Variants in DENND4C observed in about 807,000 individuals in gnomAD.
The protein encoded by DENND4C is DENN domain-containing protein 4C.
A neutral mutation model predicts 203.0 loss-of-function variants in DENND4C; 108 were observed. The ratio of observed to expected loss-of-function variants is 0.53; its 90% CI spans 0.46 to 0.62. The LOEUF is 0.62. DENND4C is among the 20% of genes least tolerant of loss of function. The probability of loss-of-function intolerance (pLI) is 0.00; values close to 1 mark genes in which losing one functional copy is unlikely to be tolerated. For synonymous variants in DENND4C, 871 were observed against 792.4 expected (o/e 1.10, Z -1.67); for missense variants, 2,481 against 2,301.2 (o/e 1.08, Z -1.60).
chr9:19,304,963 A>G (rs1333118544), intron 9 of DENND4C, among the ~76,000 whole-genome samples: 1 of 150,888 alleles, frequency 6.6e-6, no homozygotes, highest in Non-Finnish European at 1.5e-5. Context: ...ATCTGAGGTA[A>G]TTTTGAGAAT....
chr9:19,254,044 T>G (rs925690095), intron 1 of DENND4C, among the ~76,000 whole-genome samples: 15 of 152,222 alleles, frequency 9.9e-5, no homozygotes, highest in African/African-American at 2.7e-4. Flanking sequence ...AAGTTGATTT[T>G]TACAAGTCGT....
intron 16 of DENND4C, 36 bp from the exon 17 acceptor site, chr9:19,331,942 T>A (rs1237098726): frequency 9.0e-6 from 14 of 1,556,630 alleles, no homozygotes; most frequent in Non-Finnish European, 1.2e-5. Context: ...CCTAATGAAT[T>A]TTAGTAAATA....
At chr9:19,312,607 T>C (rs1563791376) in intron 10 of DENND4C, among the ~76,000 whole-genome samples, 1 of 152,196 alleles carries the variant, frequency 6.6e-6, no homozygotes. Context: ...AGGGTGTGTG[T>C]ATGTGTTTTA....
At position 19,318,681 on chromosome 9, in the gene DENND4C, C is replaced by G. The variant is rs149044916; in HGVS notation, c.1807+1842C>G. ...TTTCTTCTGAAGCCTCTTCCCTTGG[C>G]TTGTAGATAGGTATTTTCTCCATGT... On this transcript the variant is annotated intron_variant, in intron 12 of 32. Transcript: ENST00000434457. Among the ~76,000 whole-genome samples, 8 of 152,282 alleles carry G rather than the reference C, an allele frequency of 5.3e-5. No homozygotes were observed. The East Asian group carries it at 1.5e-3, about 29-fold the overall frequency.
intron 1 of DENND4C, among the ~76,000 whole-genome samples, chr9:19,238,469 T>TCTC (rs1822643765): frequency 7.8e-4 from 7 of 8,934 alleles, no homozygotes; most frequent in African/African-American, 3.7e-3. Flanking sequence ...CTCCCCTCCC[T>TCTC]CTCCCCTCCC....
chr9:19,259,567 C>T (rs545543943), intron 1 of DENND4C, among the ~76,000 whole-genome samples: 14 of 147,498 alleles, frequency 9.5e-5, no homozygotes, highest in African/African-American at 3.3e-4. Context: ...TGCAGTGGCG[C>T]GATCTTGGCT....
rs949139155 is a variant in DENND4C, at chr9:19,358,099, C to G, written c.5099C>G (p.Thr1700Ser). 5.6e-6 allele frequency: 9 copies of G among 1,613,800 alleles called. No homozygotes were observed. The African/African-American group carries it at 1.2e-4, about 22-fold the overall frequency. ...VGGPLQNIDF[T>S]QRPFHGISTV... ...GGCCCATTGCAGAATATTGACTTTACCCAGCGACCGTTTCATGGCATCTCA... is the reference window on the plus strand; with the variant it reads ...GGCCCATTGCAGAATATTGACTTTAGCCAGCGACCGTTTCATGGCATCTCA... The change falls in exon 28 of 33, where the codon ACC (threonine) becomes AGC (serine). Residue 1700 changes from threonine to serine, a missense_variant. Transcript: ENST00000434457. The surrounding 1 kb of genome is among the most constrained non-coding windows in gnomAD (Gnocchi z 4.8).
chr9:19,268,804 A>G (rs1831041579), intron 1 of DENND4C, among the ~76,000 whole-genome samples: 1 of 152,134 alleles, frequency 6.6e-6, no homozygotes, highest in African/African-American at 2.4e-5. Flanking sequence ...GTGTGCTGCC[A>G]GACACATTAG....
At chr9:19,307,769 C>CAAA (rs398046460) in intron 10 of DENND4C, among the ~76,000 whole-genome samples, 3 of 89,226 alleles carry the variant, frequency 3.4e-5, no homozygotes, top group Admixed American at 1.3e-4. Context: ...GACTCTGTCT[C>CAAA]AAAAAAAAAA....
chr9:19,334,987 G>A lies in DENND4C; in HGVS notation c.2471G>A (p.Arg824Gln), dbSNP rs1394447429. The A allele has an allele frequency of 1.3e-6, 2 of 1,598,392 alleles. No individual in the cohort carries two copies. Among genetic ancestry groups the A allele is most frequent in the African/African-American group, 1.4e-5 (1 of 73,684 alleles). Residue 824 changes from arginine to glutamine, a missense_variant, in exon 18 of 33, where the codon CGA becomes CAA. Physicochemically the swap from Arg to Gln is conservative, Grantham distance 43 (BLOSUM62 1). Around this residue, in one of 3 missense-constraint regions of DENND4C, gnomAD observed 2,289 missense variants for 2,113.3 expected, o/e 1.08. Coordinates refer to ENST00000434457, the MANE Select transcript of DENND4C (RefSeq NM_001330640.2). Reference protein sequence around the residue: ...DVDPLDEVCYRVVMQLCGLWG... With the variant: ...DVDPLDEVCYQVVMQLCGLWG... ...TTTTTTTTTTGTTAGGTGTGCTATC[G>A]AGTAGTGATGCAGCTTTGTGGACTT...
intron 1 of DENND4C, among the ~76,000 whole-genome samples, chr9:19,263,401 G>C (rs913875565): frequency 5.3e-5 from 8 of 152,098 alleles, no homozygotes; most frequent in African/African-American, 1.9e-4. Context: ...TTGTCACCCA[G>C]GCTAGAGTGC....
At chr9:19,351,968 C>T in intron 24 of DENND4C, 105 bp from the exon 25 acceptor site, 1 of 829,362 alleles carries the variant, frequency 1.2e-6, no homozygotes, top group Non-Finnish European at 2.0e-6. Context: ...ACTTGAAAAA[C>T]AGTTGCAGAC....
intron 26 of DENND4C, among the ~76,000 whole-genome samples, chr9:19,353,698 C>T (rs1440539977): frequency 1.3e-5 from 2 of 151,768 alleles, no homozygotes; most frequent in African/African-American, 2.4e-5. Context: ...TTTGGGAGGC[C>T]GAGGCAGGCA....
intron 1 of DENND4C, among the ~76,000 whole-genome samples, chr9:19,235,520 C>T (rs1047824938): frequency 6.8e-6 from 1 of 148,112 alleles, no homozygotes; most frequent in Non-Finnish European, 1.5e-5. Flanking sequence ...TATTGTGGGG[C>T]TTAAATGTTT....
chr9:19,319,028 G>A (rs1161773766), intron 12 of DENND4C, among the ~76,000 whole-genome samples: 1 of 151,802 alleles, frequency 6.6e-6, no homozygotes, highest in East Asian at 1.9e-4. Flanking sequence ...AATTAGCCAG[G>A]CATGGTGGTG....
chr9:19,257,691 A>T (rs1268755998), intron 1 of DENND4C, among the ~76,000 whole-genome samples: 1 of 152,250 alleles, frequency 6.6e-6, no homozygotes, highest in Non-Finnish European at 1.5e-5. Flanking sequence ...CTGATATCAG[A>T]ATTAGAGAGG....
intron 23 of DENND4C, among the ~76,000 whole-genome samples, chr9:19,347,289 C>G (rs572127896): frequency 6.6e-6 from 1 of 152,240 alleles, no homozygotes; most frequent in East Asian, 1.9e-4. Flanking sequence ...TGCCACCATG[C>G]CCAGCTAATT....
chr9:19,322,027 A>G (rs962170517), intron 12 of DENND4C, among the ~76,000 whole-genome samples: 13 of 152,186 alleles, frequency 8.5e-5, no homozygotes, highest in African/African-American at 2.7e-4. Flanking sequence ...GATAGTGTAC[A>G]TAGTTTCTAT....
intron 30 of DENND4C, among the ~76,000 whole-genome samples, chr9:19,367,469 C>T (rs10811174): frequency 0.02 from 3,015 of 152,354 alleles, 40 homozygotes; most frequent in Non-Finnish European, 0.033. Context: ...AGCGCAGTGG[C>T]GCACGCCTGT....
Sources: gnomAD v4.1 joint callset for allele counts (sites outside exome capture counted in the v4.1 genomes callset) on GRCh38, gnomAD v4.1.1 for gene constraint, gnomAD v4.1.1 regional missense constraint, Gnocchi (gnomAD v3.1) non-coding constraint, MANE v1.5 for transcripts, NCBI Gene and HGNC (gene_info 2026-07-23, HGNC 2026-07-21) for gene names.